The following TRAK1 variants were observed in gnomAD, a reference collection of about 807,000 sequenced individuals.
The protein encoded by TRAK1 is trafficking kinesin-binding protein 1.
In TRAK1, 33 loss-of-function variants were observed where a neutral mutation model predicts 92.1. That is an observed-to-expected ratio of 0.36 (90% confidence interval 0.27 to 0.48). The LOEUF (loss-of-function observed/expected upper bound fraction) is 0.48. Ranked by LOEUF, TRAK1 falls within the 20% of genes least tolerant of loss-of-function variation. The pLI is 0.99. For synonymous variants in TRAK1, 521 were observed against 517.3 expected (o/e 1.01, Z -0.10); for missense variants, 1,123 against 1,257.9 (o/e 0.89, Z 1.62).
intron 13 of TRAK1, chr3:42,204,270 A>G (rs566566616): frequency 1.3e-5 from 13 of 982,712 alleles, no homozygotes; most frequent in Admixed American, 6.1e-5. Context: ...TCTGCTTTCT[A>G]TATTTGACTC....
intron 1 of TRAK1, among the ~76,000 whole-genome samples, chr3:42,093,904 A>G (rs143030709): frequency 0.032 from 4,801 of 151,348 alleles, 145 homozygotes; most frequent in Non-Finnish European, 0.042. Context: ...GGGTTTTGCC[A>G]TGTTGCCCAG....
chr3:42,151,208 C>CA (rs1699910111), intron 2 of TRAK1: 1 of 376,408 alleles, frequency 2.7e-6, no homozygotes, highest in African/African-American at 2.1e-5. Context: ...TACCATGACC[C>CA]AAATGCCACA....
intron 1 of TRAK1, among the ~76,000 whole-genome samples, chr3:42,072,547 G>C (rs1210021811): frequency 7.0e-6 from 1 of 143,140 alleles, no homozygotes; most frequent in Non-Finnish European, 1.5e-5. Context: ...GGCTGTCAGT[G>C]TGCAGCTTTT....
chr3:42,113,350 TCCTACG>T (rs1298958465), intron 1 of TRAK1, among the ~76,000 whole-genome samples: 2,608 of 147,504 alleles, frequency 0.018, 80 homozygotes, highest in East Asian at 0.13. Context: ...CTACTCCTAC[TCCTACG>T]CCTACGCCTA....
chr3:42,016,247 G>A (rs898683556), intron 1 of TRAK1, among the ~76,000 whole-genome samples: 2 of 151,262 alleles, frequency 1.3e-5, no homozygotes, highest in Admixed American at 6.6e-5. Context: ...CTCTGTCATC[G>A]AGGCTAGAGT....
At chr3:42,209,695 C>T (rs1028445871) in intron 13 of TRAK1, 72 bp from the exon 14 acceptor site, 2 of 1,456,458 alleles carry the variant, frequency 1.4e-6, no homozygotes, top group Middle Eastern at 2.3e-4. Context: ...GGTAAACAGC[C>T]ATTGTCTTGG....
At chr3:42,187,696 A>C (rs977482540) in intron 4 of TRAK1, among the ~76,000 whole-genome samples, 2 of 151,956 alleles carry the variant, frequency 1.3e-5, no homozygotes, top group Admixed American at 1.3e-4. Context: ...CGAACTCCTG[A>C]CTTCAGATGA....
intron 1 of TRAK1, among the ~76,000 whole-genome samples, chr3:42,112,280 G>A (rs188696660): frequency 6.7e-6 from 1 of 148,480 alleles, no homozygotes; most frequent in Admixed American, 6.8e-5. Context: ...GCAAAACCCC[G>A]TCTCTACTAT....
At chr3:42,151,221 A>G (rs1699911619) in intron 2 of TRAK1, 1 of 396,612 alleles carries the variant, frequency 2.5e-6, no homozygotes, top group African/African-American at 2.1e-5. Context: ...ATGCCACACC[A>G]TCCAGTTCCC....
chr3:42,091,828 T>G (rs768457376), intron 1 of TRAK1, among the ~76,000 whole-genome samples: 27 of 152,086 alleles, frequency 1.8e-4, no homozygotes, highest in South Asian at 8.3e-4. Context: ...AAGTGACACT[T>G]GCAGGGCATG....
At chr3:42,072,999 G>A (rs1454421689) in intron 1 of TRAK1, among the ~76,000 whole-genome samples, 5 of 152,190 alleles carry the variant, frequency 3.3e-5, no homozygotes, top group African/African-American at 9.6e-5. Context: ...GCATATGTGT[G>A]TTTGTGTGTT....
At chr3:42,130,489 C>T (rs1004542240) in intron 2 of TRAK1, among the ~76,000 whole-genome samples, 6 of 152,228 alleles carry the variant, frequency 3.9e-5, no homozygotes, top group African/African-American at 1.4e-4. Flanking sequence ...AATTAGCCAA[C>T]AGTATTTACT....
Position 42,023,074 on chromosome 3 carries a change from C to T in TRAK1, c.-519+8957C>T, listed in dbSNP as rs190388143. Among the ~76,000 whole-genome samples, 127 of 140,422 alleles carry T rather than the reference C, an allele frequency of 9.0e-4. 1 individual carries two copies. The East Asian group carries it at 0.026, about 29-fold the overall frequency. 92.1% of individuals were successfully genotyped at this position (140,422 alleles called of 152,430 possible). ...TCAGGAGGCTGAGGCAGGAGAATGG[C>T]GTGAACACGGGAGGCAGAGGTTGCA... On this transcript the variant is annotated intron_variant, in intron 1 of 16. Transcript: ENST00000487159.
At chr3:42,031,470 CA>C (rs1039348883) in intron 1 of TRAK1, among the ~76,000 whole-genome samples, 6 of 151,634 alleles carry the variant, frequency 4.0e-5, no homozygotes, top group Non-Finnish European at 5.9e-5. Context: ...CCCATCTCCA[CA>C]AAAAATAAAA....
intron 1 of TRAK1, among the ~76,000 whole-genome samples, chr3:42,041,194 C>A (rs1038078061): frequency 6.7e-6 from 1 of 148,634 alleles, no homozygotes; most frequent in Non-Finnish European, 1.5e-5. Context: ...ATCTGTAGAT[C>A]AATTTCAGGA....
At chr3:42,064,309 C>CA (rs1275533185) in intron 1 of TRAK1, among the ~76,000 whole-genome samples, 9 of 149,022 alleles carry the variant, frequency 6.0e-5, no homozygotes, top group Non-Finnish European at 1.0e-4. Flanking sequence ...ACCAAAAATA[C>CA]AAAAATTAGC....
At chr3:42,184,131 A>G (rs942558589) in intron 3 of TRAK1, among the ~76,000 whole-genome samples, 2 of 152,344 alleles carry the variant, frequency 1.3e-5, no homozygotes, top group African/African-American at 2.4e-5. Flanking sequence ...TGTTTTTGAG[A>G]GTAACTTTAA....
chr3:42,196,996 T>A (rs1332442824), intron 10 of TRAK1, among the ~76,000 whole-genome samples: 11 of 92,720 alleles, frequency 1.2e-4, no homozygotes, highest in African/African-American at 3.9e-4. Flanking sequence ...TCTCTCTCTC[T>A]CTCTCTCACA....
At position 42,148,689 on chromosome 3, in the gene TRAK1, G is replaced by A. The variant is rs576263750; in HGVS notation, c.286+23075G>A. 3.9e-5 allele frequency among the ~76,000 whole-genome samples: 6 copies of A among 152,288 alleles called. No individual in the cohort carries two copies. The South Asian group carries it at 1.2e-3, about 32-fold the overall frequency. On this transcript the variant is annotated intron_variant, in intron 2 of 15. Transcript: ENST00000327628. ...TGATGGCGCCCTCCTCTATTTGTATGTGACAGGCTGTTTTTCTAGAAGTTT... is the reference window on the plus strand; with the variant it reads ...TGATGGCGCCCTCCTCTATTTGTATATGACAGGCTGTTTTTCTAGAAGTTT...
Sources: allele counts gnomAD v4.1 joint callset (sites outside exome capture counted in the v4.1 genomes callset), GRCh38; gene constraint gnomAD v4.1.1; transcripts MANE v1.5; gene names NCBI Gene and HGNC (gene_info 2026-07-23, HGNC 2026-07-21).